Variants in OSBPL10 observed in about 807,000 individuals in gnomAD.
OSBPL10 encodes oxysterol-binding protein-related protein 10.
A neutral mutation model predicts 81.7 loss-of-function variants in OSBPL10; 49 were observed. The ratio of observed to expected loss-of-function variants is 0.60; its 90% confidence interval spans 0.48 to 0.76. The LOEUF is 0.76. Ranked by LOEUF, OSBPL10 falls within the 30% of genes least tolerant of loss-of-function variation. The probability of loss-of-function intolerance (pLI) is 0.00; values close to 1 mark genes in which losing one functional copy is unlikely to be tolerated. For synonymous variants in OSBPL10, 419 were observed against 383.6 expected (o/e 1.09, Z -1.08); for missense variants, 923 against 987.8 (o/e 0.93, Z 0.88).
intron 1 of OSBPL10, among the ~76,000 whole-genome samples, chr3:31,888,093 C>A (rs1247166863): frequency 6.6e-6 from 1 of 152,110 alleles, no homozygotes; most frequent in East Asian, 1.9e-4. Flanking sequence ...GCTGTAGTAT[C>A]CAAAACAGCA....
intron 1 of OSBPL10, among the ~76,000 whole-genome samples, chr3:31,931,739 A>T (rs976973934): frequency 6.6e-6 from 1 of 152,256 alleles, no homozygotes; most frequent in Non-Finnish European, 1.5e-5. Context: ...GTACTCAAGA[A>T]ATGTTATTTG....
chr3:31,980,006 A>T (rs1360930863), intron 1 of OSBPL10, among the ~76,000 whole-genome samples: 5 of 148,394 alleles, frequency 3.4e-5, no homozygotes, highest in South Asian at 2.1e-4. Flanking sequence ...ATTTTATTTT[A>T]TTTATTTATT....
intron 7 of OSBPL10, among the ~76,000 whole-genome samples, chr3:31,698,127 T>C (rs1389780914): frequency 6.6e-6 from 1 of 152,006 alleles, no homozygotes; most frequent in African/African-American, 2.4e-5. Context: ...CTCAGTCTAT[T>C]TTTCACAGCA....
chr3:31,705,747 G>A (rs1157072340), intron 6 of OSBPL10, among the ~76,000 whole-genome samples: 3 of 152,044 alleles, frequency 2.0e-5, no homozygotes, highest in African/African-American at 7.2e-5. Flanking sequence ...TTGTCTCCTG[G>A]GAGCCCCTGC....
chr3:31,977,083 T>C (rs1698713625), intron 1 of OSBPL10, among the ~76,000 whole-genome samples: 1 of 152,200 alleles, frequency 6.6e-6, no homozygotes, highest in African/African-American at 2.4e-5. Flanking sequence ...CACCTCAAAC[T>C]GAACACAGTC....
chr3:31,733,763 C>T (rs894722059), intron 5 of OSBPL10, among the ~76,000 whole-genome samples: 1 of 148,242 alleles, frequency 6.7e-6, no homozygotes, highest in African/African-American at 2.5e-5. Context: ...CCTGTAATCC[C>T]AGCACTTTGG....
At chr3:31,794,984 C>T in intron 4 of OSBPL10, 1 of 288,410 alleles carries the variant, frequency 3.5e-6, no homozygotes, top group Non-Finnish European at 7.2e-6. Context: ...CCATTTATCT[C>T]TTATGAGGTT....
At chr3:31,916,724 C>T (rs760627076) in intron 1 of OSBPL10, among the ~76,000 whole-genome samples, 1 of 152,304 alleles carries the variant, frequency 6.6e-6, no homozygotes, top group Admixed American at 6.5e-5. Context: ...CTCTCTAAAT[C>T]CCTGATTAAT....
chr3:31,968,098 TTTTC>T (rs1250710917), intron 1 of OSBPL10, among the ~76,000 whole-genome samples: 3 of 152,240 alleles, frequency 2.0e-5, no homozygotes, highest in Non-Finnish European at 2.9e-5. Context: ...CTTTATTATT[TTTTC>T]TTTCTGTGTG....
chr3:32,040,100 G>A (rs1366062760), intron 2 of OSBPL10, among the ~76,000 whole-genome samples: 1 of 152,088 alleles, frequency 6.6e-6, no homozygotes, highest in Non-Finnish European at 1.5e-5. Context: ...GTTTAAGGCA[G>A]TATACTCAGA....
chr3:32,047,717 C>CA (rs1478169024), intron 1 of OSBPL10, among the ~76,000 whole-genome samples: 2 of 151,332 alleles, frequency 1.3e-5, no homozygotes, highest in Non-Finnish European at 2.9e-5. Flanking sequence ...GGCTGGAGTG[C>CA]AGTGGTGCGA....
At chr3:31,891,869 C>T (rs1399428202) in intron 1 of OSBPL10, among the ~76,000 whole-genome samples, 1 of 152,056 alleles carries the variant, frequency 6.6e-6, no homozygotes, top group East Asian at 1.9e-4. Flanking sequence ...CTCCAAGTCC[C>T]CAAACTAAGT....
intron 6 of OSBPL10, among the ~76,000 whole-genome samples, chr3:31,727,084 T>C (rs1696831627): frequency 6.6e-6 from 1 of 152,058 alleles, no homozygotes; most frequent in Non-Finnish European, 1.5e-5. Context: ...CCTCCTGCTT[T>C]GACCTCCTAA....
At chr3:31,702,272 A>G in intron 7 of OSBPL10, 87 bp downstream of exon 7, 1 of 1,470,834 alleles carries the variant, frequency 6.8e-7, no homozygotes, top group Non-Finnish European at 9.3e-7. Context: ...ATCTCACCAC[A>G]ACGAAAAGAA....
At chr3:31,950,775 C>T (rs184659856) in intron 1 of OSBPL10, among the ~76,000 whole-genome samples, 6 of 152,266 alleles carry the variant, frequency 3.9e-5, no homozygotes, top group Admixed American at 2.6e-4. Flanking sequence ...TACCAGTTAG[C>T]TCTGTTAGAG....
chr3:31,980,872 C>G, intron 1 of OSBPL10, 27 bp downstream of exon 1: 1 of 1,542,528 alleles, frequency 6.5e-7, no homozygotes, highest in East Asian at 2.6e-5. Context: ...CAGCGGCGCG[C>G]GGTGGCGCGG....
intron 1 of OSBPL10, among the ~76,000 whole-genome samples, chr3:31,966,052 T>C (rs1184512274): frequency 6.9e-6 from 1 of 144,304 alleles, no homozygotes; most frequent in African/African-American, 2.6e-5. Context: ...CCCAGCACTT[T>C]GGGAGGCCAA....
At chr3:31,695,232 G>A in intron 7 of OSBPL10, among the ~76,000 whole-genome samples, 1 of 152,160 alleles carries the variant, frequency 6.6e-6, no homozygotes, top group African/African-American at 2.4e-5. Context: ...AAAATACACT[G>A]TTCGAGGTTT....
At chr3:32,026,463 T>A (rs988738435) in intron 2 of OSBPL10, among the ~76,000 whole-genome samples, 5 of 152,214 alleles carry the variant, frequency 3.3e-5, no homozygotes, top group African/African-American at 1.2e-4. Flanking sequence ...AATGTCTTTC[T>A]TCTTACTATA....
Sources: allele counts gnomAD v4.1 joint callset (sites outside exome capture counted in the v4.1 genomes callset), GRCh38; gene constraint gnomAD v4.1.1; transcripts MANE v1.5; gene names NCBI Gene and HGNC (gene_info 2026-07-23, HGNC 2026-07-21).